KAZN: variants seen among roughly 807,000 people sequenced by gnomAD.
The protein encoded by KAZN is kazrin, periplakin interacting protein.
A neutral mutation model predicts 87.4 loss-of-function variants in KAZN; 40 were observed. The ratio of observed to expected loss-of-function variants is 0.46; its 90% confidence interval spans 0.36 to 0.60. The LOEUF (loss-of-function observed/expected upper bound fraction) is 0.60. Among genes scored for constraint, KAZN ranks in the 20% least tolerant of loss-of-function variants. The pLI is 0.00. For synonymous variants in KAZN, 466 were observed against 458.3 expected, an observed-to-expected ratio of 1.02 and a Z score of -0.22; for missense variants, 898 against 1,073.9, an observed-to-expected ratio of 0.84 and a Z score of 2.29.
chr1:14,201,961 C>A (rs1385766085), intron 2 of KAZN, among the ~76,000 whole-genome samples: 3 of 152,216 alleles, frequency 2.0e-5, no homozygotes, highest in African/African-American at 7.2e-5. Flanking sequence ...AGCCACTGCG[C>A]CTGGCCCCTC....
chr1:14,103,248 G>A (rs769975141), intron 1 of KAZN, among the ~76,000 whole-genome samples: 7 of 152,118 alleles, frequency 4.6e-5, no homozygotes, highest in East Asian at 1.9e-4. Context: ...CACCAGTCTT[G>A]TTGTATTGGG....
At chr1:14,513,975 A>G (rs1157618482) in intron 2 of KAZN, among the ~76,000 whole-genome samples, 1 of 151,914 alleles carries the variant, frequency 6.6e-6, no homozygotes, top group Non-Finnish European at 1.5e-5. Flanking sequence ...TAACCATTTG[A>G]AGTCAGGGAC....
chr1:15,019,319 C>G (rs184880477), intron 2 of KAZN, among the ~76,000 whole-genome samples: 16 of 152,336 alleles, frequency 1.1e-4, no homozygotes, highest in Admixed American at 1.0e-3. Context: ...ACCCACCCAG[C>G]CTGAACCTGG....
chr1:14,551,489 C>T (rs113230881), intron 2 of KAZN, among the ~76,000 whole-genome samples: 1,653 of 152,292 alleles, frequency 0.011, 29 homozygotes, highest in African/African-American at 0.038. Flanking sequence ...TTTGTGTGCA[C>T]ACCGGGCCTG....
At chr1:14,393,918 T>G (rs1294109403) in intron 2 of KAZN, among the ~76,000 whole-genome samples, 5 of 151,068 alleles carry the variant, frequency 3.3e-5, no homozygotes, top group African/African-American at 1.2e-4. Context: ...GTGTGTTTTT[T>G]TAATGTAGTT....
chr1:14,826,604 C>T (rs989316945), intron 1 of KAZN, among the ~76,000 whole-genome samples: 1 of 152,208 alleles, frequency 6.6e-6, no homozygotes, highest in Admixed American at 6.5e-5. Context: ...TGGCCGTTTC[C>T]CTCCCATGTC....
rs1639166335 is a variant in KAZN, at chr1:15,065,640, A to G, written c.1109A>G (p.Asp370Gly). ...CTCCTGACTCCTCAGTCACTAGAGG[A>G]TCTTGAAGACCAAAAACGGAAAAAG... is the stretch of plus-strand genomic sequence containing the variant. ...LHNPIVQSLE[D>G]LEDQKRKKKK... The change falls in exon 8 of 15, where the codon GAT (aspartate) becomes GGT (glycine). Residue 370 changes from aspartate to glycine, a missense_variant. Asp to Gly is a moderately conservative substitution (Grantham distance 94). Coordinates refer to ENST00000376030, the MANE Select transcript of KAZN (RefSeq NM_201628.3). 6.2e-7 allele frequency: 1 copy of G among 1,612,776 alleles called. No homozygotes were observed. The highest frequency in any genetic ancestry group is 1.7e-5 in the Admixed American group (1 of 59,872).
rs1646602402 is a variant in KAZN, at chr1:14,817,457, CATAAA to C, written c.227-143221_227-143217del. Among the ~76,000 whole-genome samples the C allele has an allele frequency of 2.0e-5, 3 of 152,180 alleles. No individual in the cohort carries two copies. In the South Asian group the frequency reaches 6.2e-4, roughly 32 times the overall value. The stretch of plus-strand genomic sequence containing the variant: ...CCCTCCCTATCTAGCATAGCAGAAA[CATAAA>C]ATAAACCACAAGATAGCGTGATATG... On this transcript the variant is annotated intron_variant, in intron 1 of 14. Coordinates refer to ENST00000376030, the MANE Select transcript of KAZN (RefSeq NM_201628.3).
chr1:14,563,624 A>G (rs1674377211), intron 2 of KAZN, among the ~76,000 whole-genome samples: 1 of 151,912 alleles, frequency 6.6e-6, no homozygotes, highest in South Asian at 2.1e-4. Flanking sequence ...CCAGTCACTC[A>G]TCCCCATCAA....
chr1:14,784,241 A>G (rs766684464), intron 1 of KAZN, among the ~76,000 whole-genome samples: 2 of 151,844 alleles, frequency 1.3e-5, no homozygotes, highest in African/African-American at 4.8e-5. Context: ...TCTAGGACAG[A>G]CTCCTTTTCC....
At chr1:14,479,446 C>A (rs1311580680) in intron 2 of KAZN, among the ~76,000 whole-genome samples, 1 of 152,224 alleles carries the variant, frequency 6.6e-6, no homozygotes, top group Non-Finnish European at 1.5e-5. Flanking sequence ...ATGGCCTGCC[C>A]CAGCTTCTGT....
intron 2 of KAZN, among the ~76,000 whole-genome samples, chr1:14,383,717 A>C (rs941539414): frequency 3.3e-5 from 5 of 152,122 alleles, no homozygotes; most frequent in African/African-American, 1.2e-4. Context: ...TGGTTACTGT[A>C]GCCTTGTAGT....
At chr1:14,797,677 G>A (rs1041487806) in intron 1 of KAZN, among the ~76,000 whole-genome samples, 25 of 152,124 alleles carry the variant, frequency 1.6e-4, no homozygotes, top group Admixed American at 1.6e-3. Context: ...AAGACAGAGT[G>A]TCGGCCCTGG....
At chr1:14,729,804 G>A (rs534180709) in intron 1 of KAZN, among the ~76,000 whole-genome samples, 14 of 152,266 alleles carry the variant, frequency 9.2e-5, no homozygotes, top group South Asian at 2.1e-4. Context: ...GCCTGTTTCC[G>A]TGTGGCCTAT....
chr1:14,006,283 C>T (rs1640034405), intron 1 of KAZN, among the ~76,000 whole-genome samples: 1 of 152,120 alleles, frequency 6.6e-6, no homozygotes, highest in Non-Finnish European at 1.5e-5. Context: ...TTATTTGGCT[C>T]AGGGATCTGC....
Position 14,799,167 on chromosome 1 carries a change from T to C in KAZN, c.227-161517T>C, listed in dbSNP as rs973157242. Among the ~76,000 whole-genome samples the C allele has an allele frequency of 2.0e-5, 3 of 152,232 alleles. No individual in the cohort carries two copies. In the East Asian group the frequency reaches 5.8e-4, roughly 29 times the overall value. On this transcript the variant is annotated intron_variant, in intron 1 of 14. Coordinates refer to ENST00000376030, the MANE Select transcript of KAZN (RefSeq NM_201628.3). ...CTGCTGACATTTGTGGCATTGTTTG[T>C]TACTGCGGTATAACCTATCCTACCC...
At chr1:14,438,827 G>A (rs997228470) in intron 2 of KAZN, among the ~76,000 whole-genome samples, 51 of 152,204 alleles carry the variant, frequency 3.4e-4, no homozygotes, top group African/African-American at 1.1e-3. Context: ...AAAGTTCCTC[G>A]TGGCTGATAG....
intron 2 of KAZN, among the ~76,000 whole-genome samples, chr1:15,032,814 T>G (rs1355222353): frequency 6.6e-6 from 1 of 151,914 alleles, no homozygotes; most frequent in Non-Finnish European, 1.5e-5. Context: ...CCTGGGGTGG[T>G]GGTGGGCACC....
At chr1:14,567,441 A>T (rs1571949629) in intron 2 of KAZN, among the ~76,000 whole-genome samples, 1 of 152,370 alleles carries the variant, frequency 6.6e-6, no homozygotes, top group South Asian at 2.1e-4. Context: ...CCACAATGTG[A>T]TACAGAGACA....
Sources: gnomAD v4.1 joint callset for allele counts (sites outside exome capture counted in the v4.1 genomes callset) on GRCh38, gnomAD v4.1.1 for gene constraint, MANE v1.5 for transcripts, NCBI Gene and HGNC (gene_info 2026-07-23, HGNC 2026-07-21) for gene names.